SLC14A2: variants seen among roughly 807,000 people sequenced by gnomAD.
SLC14A2 encodes solute carrier family 14 member 2.
In SLC14A2, 91 loss-of-function variants were observed where a neutral mutation model predicts 104.6. That is an observed-to-expected ratio of 0.87 (90% CI 0.73 to 1.04). The LOEUF (loss-of-function observed/expected upper bound fraction) is 1.04, where lower values mean the gene tolerates loss of function less well. SLC14A2 is among the 50% of genes least tolerant of loss of function. The probability of loss-of-function intolerance (pLI) is 0.00; values close to 1 mark genes in which losing one functional copy is unlikely to be tolerated. For synonymous variants in SLC14A2, 476 were observed against 466.4 expected, an observed-to-expected ratio of 1.02 and a Z score of -0.27; for missense variants, 1,189 against 1,156.0, an observed-to-expected ratio of 1.03 and a Z score of -0.41.
At chr18:45,350,080 A>G (rs1437467192) in intron 1 of SLC14A2, among the ~76,000 whole-genome samples, 1 of 152,216 alleles carries the variant, frequency 6.6e-6, no homozygotes, top group African/African-American at 2.4e-5. Context: ...TGGGTCAACA[A>G]AGACAAAACA....
intron 2 of SLC14A2, among the ~76,000 whole-genome samples, chr18:45,582,637 C>T (rs889993974): frequency 2.0e-5 from 3 of 152,152 alleles, no homozygotes; most frequent in African/African-American, 7.2e-5. Flanking sequence ...AACTGAGGTC[C>T]AGTGAGGGGA....
At chr18:45,526,122 T>A (rs59594738) in intron 2 of SLC14A2, among the ~76,000 whole-genome samples, 1 of 152,206 alleles carries the variant, frequency 6.6e-6, no homozygotes, top group Admixed American at 6.5e-5. Flanking sequence ...TGAATTTACA[T>A]TGTGGCTATA....
At chr18:45,636,345 T>C (rs1858247353) in intron 5 of SLC14A2, among the ~76,000 whole-genome samples, 1 of 152,200 alleles carries the variant, frequency 6.6e-6, no homozygotes, top group African/African-American at 2.4e-5. Context: ...TACCTAACAT[T>C]GTTCCTTCAG....
chr18:45,606,013 C>T (rs760838271), intron 2 of SLC14A2, among the ~76,000 whole-genome samples: 16 of 152,118 alleles, frequency 1.1e-4, no homozygotes, highest in Non-Finnish European at 1.8e-4. Context: ...ACAGAAACTC[C>T]AAGTAACTAT....
chr18:45,236,063 A>G (rs1393070822), intron 1 of SLC14A2, among the ~76,000 whole-genome samples: 3 of 42,022 alleles, frequency 7.1e-5, no homozygotes, highest in Non-Finnish European at 1.2e-4. Context: ...ATATACATAT[A>G]TGTGTGTATA....
chr18:45,389,314 A>G (rs1252877632), intron 1 of SLC14A2, among the ~76,000 whole-genome samples: 1 of 152,228 alleles, frequency 6.6e-6, no homozygotes, highest in Non-Finnish European at 1.5e-5. Flanking sequence ...TCTCTATCTC[A>G]TAAATATGGA....
At chr18:45,600,867 GCCCTGTTTATACAGGGC>G (rs1365052799) in intron 2 of SLC14A2, among the ~76,000 whole-genome samples, 3 of 152,216 alleles carry the variant, frequency 2.0e-5, no homozygotes, top group Admixed American at 6.5e-5. Context: ...TGACTGTAGA[GCCCTGTTTATACAGGGC>G]CATATGCAAA....
intron 1 of SLC14A2, among the ~76,000 whole-genome samples, chr18:45,436,124 C>T (rs530322217): frequency 1.3e-5 from 2 of 151,978 alleles, no homozygotes; most frequent in Non-Finnish European, 2.9e-5. Flanking sequence ...GGGGGTACCA[C>T]CTTTTAATAA....
intron 1 of SLC14A2, among the ~76,000 whole-genome samples, chr18:45,362,627 C>T (rs1015288084): frequency 5.3e-5 from 8 of 152,154 alleles, no homozygotes; most frequent in African/African-American, 1.9e-4. Flanking sequence ...AAATATCACA[C>T]TAAGAGAAAC....
chr18:45,579,342 G>A (rs766321382), intron 2 of SLC14A2, among the ~76,000 whole-genome samples: 1 of 152,152 alleles, frequency 6.6e-6, no homozygotes, highest in Non-Finnish European at 1.5e-5. Flanking sequence ...TACAAATATA[G>A]AGATCTTTGA....
At chr18:45,224,824 A>G (rs1562822) in intron 1 of SLC14A2, among the ~76,000 whole-genome samples, 1 of 152,084 alleles carries the variant, frequency 6.6e-6, no homozygotes, top group Non-Finnish European at 1.5e-5. Context: ...TGTATCCATT[A>G]TAGACATTGC....
chr18:45,547,196 A>G (rs1239101611), intron 2 of SLC14A2, among the ~76,000 whole-genome samples: 1 of 152,188 alleles, frequency 6.6e-6, no homozygotes, highest in Non-Finnish European at 1.5e-5. Flanking sequence ...AAAAAAAAAG[A>G]AAAACTTTTA....
At chr18:45,503,690 C>T (rs1250050437) in intron 2 of SLC14A2, among the ~76,000 whole-genome samples, 4 of 152,172 alleles carry the variant, frequency 2.6e-5, no homozygotes, top group Non-Finnish European at 5.9e-5. Flanking sequence ...TGGGCAGACC[C>T]TATTGATAGT....
At chr18:45,256,769 C>G (rs2084483287) in intron 1 of SLC14A2, among the ~76,000 whole-genome samples, 1 of 152,198 alleles carries the variant, frequency 6.6e-6, no homozygotes, top group African/African-American at 2.4e-5. Context: ...CTTCTCAAAA[C>G]TATTTTTCTT....
At chr18:45,432,067 C>T (rs1268142833) in intron 1 of SLC14A2, among the ~76,000 whole-genome samples, 1 of 152,116 alleles carries the variant, frequency 6.6e-6, no homozygotes, top group Non-Finnish European at 1.5e-5. Context: ...GAATATCATT[C>T]CCCCAGCAAG....
intron 1 of SLC14A2, among the ~76,000 whole-genome samples, chr18:45,349,990 C>T (rs2144303739): frequency 6.6e-6 from 1 of 152,272 alleles, no homozygotes; most frequent in Non-Finnish European, 1.5e-5. Flanking sequence ...TTTTATTGAG[C>T]TTCTACTATT....
At chr18:45,641,181 G>A in intron 7 of SLC14A2, 28 bp from the exon 8 acceptor site, 1 of 1,610,668 alleles carries the variant, frequency 6.2e-7, no homozygotes, top group Non-Finnish European at 8.5e-7. Flanking sequence ...CCCAGAATCA[G>A]ACAGAAATAC....
intron 1 of SLC14A2, among the ~76,000 whole-genome samples, chr18:45,322,473 A>T (rs1599673761): frequency 6.6e-6 from 1 of 152,248 alleles, no homozygotes. Context: ...TGGGACTTAC[A>T]TAACGTTCTG....
chr18:45,419,625 T>A (rs2086318467), intron 1 of SLC14A2, among the ~76,000 whole-genome samples: 1 of 152,028 alleles, frequency 6.6e-6, no homozygotes, highest in Non-Finnish European at 1.5e-5. Flanking sequence ...AATACAAAAA[T>A]TAGTCAGGTG....
Sources: gnomAD v4.1 joint callset for allele counts (sites outside exome capture counted in the v4.1 genomes callset) on GRCh38, gnomAD v4.1.1 for gene constraint, MANE v1.5 for transcripts, NCBI Gene and HGNC (gene_info 2026-07-23, HGNC 2026-07-21) for gene names.